Variants in IL23R observed in about 807,000 individuals in gnomAD.
IL23R encodes the protein interleukin-23 receptor.
IL23R carries 34 observed loss-of-function variants against 56.9 expected under a neutral mutation model. The ratio of observed to expected loss-of-function variants is 0.60; its 90% CI spans 0.45 to 0.80. IL23R has a LOEUF of 0.80. Ranked by LOEUF, IL23R falls within the 30% of genes least tolerant of loss-of-function variation. The probability of loss-of-function intolerance (pLI) is 0.00; values close to 1 mark genes in which losing one functional copy is unlikely to be tolerated. For missense variants in IL23R, 635 were observed against 730.0 expected, an observed-to-expected ratio of 0.87 and a Z score of 1.50; for synonymous variants, 230 against 249.2, an observed-to-expected ratio of 0.92 and a Z score of 0.73.
Position 67,259,395 on chromosome 1 carries a change from C to T in IL23R, c.*267C>T, listed in dbSNP as rs896017366. 7 of 449,482 alleles carry T rather than the reference C, an allele frequency of 1.6e-5. No homozygotes were observed. Among genetic ancestry groups the T allele is most frequent in the Admixed American group, 3.7e-5 (1 of 26,878 alleles). 27.8% of individuals were successfully genotyped at this position (449,482 alleles called of 1,614,324 possible). A position where few individuals can be genotyped will look rare whatever the true frequency, so the allele number is the denominator to read the frequency against. On this transcript the variant is annotated 3_prime_UTR_variant, in exon 11 of 11. Coordinates refer to ENST00000347310, the MANE Select transcript of IL23R (RefSeq NM_144701.3). The stretch of plus-strand genomic sequence containing the variant: ...CCTACCATCACCATGTAAGAATTCC[C>T]GGGAGCTCCATGCCTTTTTAATTTT...
Position 67,216,682 on chromosome 1 carries a change from T to A in IL23R, c.799-2892T>A, listed in dbSNP as rs182147737. Among the ~76,000 whole-genome samples the A allele has an allele frequency of 9.9e-4, 150 of 152,164 alleles. 1 individual carries two copies. In the East Asian group the frequency reaches 0.027, roughly 27 times the overall value. ...CATACATCATGAAATAGTCTTTTTT[T>A]AAAAAAAATTTCTTTCAACCATTTA... On this transcript the variant is annotated intron_variant, in intron 6 of 10. Transcript: ENST00000347310.
At chr1:67,250,410 T>G (rs1652533923) in intron 9 of IL23R, among the ~76,000 whole-genome samples, 2 of 152,190 alleles carry the variant, frequency 1.3e-5, no homozygotes, top group Admixed American at 1.3e-4. Flanking sequence ...CTTTATAATC[T>G]TTTTTGCATA....
At chr1:67,187,499 A>G (rs894186962) in intron 4 of IL23R, among the ~76,000 whole-genome samples, 3 of 152,178 alleles carry the variant, frequency 2.0e-5, no homozygotes, top group Admixed American at 2.0e-4. Flanking sequence ...AAATCCTTTA[A>G]TGTGTTCAAA....
chr1:67,248,676 TG>T (rs2100360289), intron 9 of IL23R, among the ~76,000 whole-genome samples: 1 of 152,294 alleles, frequency 6.6e-6, no homozygotes, highest in Non-Finnish European at 1.5e-5. Context: ...TGTGATCCTT[TG>T]GAGGGGAAGA....
In IL23R at chr1:67,239,256, T is replaced by TTTTG. The variant is rs1253364959; in HGVS notation, c.1046-903_1046-900dup. ...CTTTGACATGCAAGAAAAGCATTGG[T>TTTTG]TTTGTTTGTTTGTTTGTTTGTTTTT... On this transcript the variant is annotated intron_variant, in intron 8 of 10. Transcript: ENST00000347310. Among the ~76,000 whole-genome samples the TTTTG allele has an allele frequency of 1.1e-4, 16 of 152,084 alleles. No individual in the cohort carries two copies. The South Asian group carries it at 1.2e-3, about 12-fold the overall frequency.
chr1:67,200,593 C>T (rs1648554363), intron 4 of IL23R, 144 bp from the exon 5 acceptor site: 1 of 675,672 alleles, frequency 1.5e-6, no homozygotes, highest in African/African-American at 1.8e-5. Context: ...CCATGTTGGC[C>T]AGGCTGGTCT....
At chr1:67,165,005 C>T (rs1201747384), upstream of IL23R, among the ~76,000 whole-genome samples, 1 of 152,070 alleles carries the variant, frequency 6.6e-6, no homozygotes, top group Non-Finnish European at 1.5e-5. Context: ...TTCAGGAGTT[C>T]AAGACTAGCT....
At chr1:67,238,489 C>T (rs947607673) in intron 8 of IL23R, among the ~76,000 whole-genome samples, 2 of 152,286 alleles carry the variant, frequency 1.3e-5, no homozygotes, top group Middle Eastern at 3.4e-3. Context: ...CCTACCTACA[C>T]CTTGATATTT....
chr1:67,207,013 C>T lies in IL23R; in HGVS notation c.756C>T (p.Ser252=). The change falls in exon 6 of 11, where the codon TCC becomes TCT. Residue 252 remains serine (S), a synonymous_variant. Transcript: ENST00000347310. ...GTCAAACAACAATTGAAAAGGTTTC[C>T]TGTGAAATGAGATACAAGGCTACAA... ...WDSQTTIEKV[S]CEMRYKATTN... is the part of the protein sequence containing the mutation. 1 of 1,612,512 alleles carries T rather than the reference C, an allele frequency of 6.2e-7. No homozygotes were observed. Among genetic ancestry groups the T allele is most frequent in the Non-Finnish European group, 8.5e-7 (1 of 1,179,446 alleles).
rs564106373 is a variant in IL23R, at chr1:67,203,850, A to G, written c.652+2953A>G. Among the ~76,000 whole-genome samples, 5 of 152,342 alleles carry G rather than the reference A, an allele frequency of 3.3e-5. No homozygotes were observed. In the South Asian group the frequency reaches 1.0e-3, roughly 32 times the overall value. ...GTAGCACATTAACACTTGCCAAAAA[A>G]GCATATGAGAGGAATGCTTTTAACT... On this transcript the variant is annotated intron_variant, in intron 5 of 10. Transcript: ENST00000347310.
rs771025355 is a variant in IL23R at position 67,182,969 on chromosome 1, T to C, written c.491+10T>C. ...TGGTACATGTGAAGAGGTAGGTCACTTCCTCACGGCTTCATATAAGCAGTT... is the reference window on the plus strand; with the variant it reads ...TGGTACATGTGAAGAGGTAGGTCACCTCCTCACGGCTTCATATAAGCAGTT... On this transcript the variant is annotated intron_variant, in intron 4 of 10. Transcript: ENST00000347310. 6.2e-7 allele frequency: 1 copy of C among 1,613,660 alleles called. No individual in the cohort carries two copies.
intron 1 of IL23R, among the ~76,000 whole-genome samples, chr1:67,166,899 G>T (rs17129680): frequency 6.6e-6 from 1 of 151,998 alleles, no homozygotes; most frequent in Non-Finnish European, 1.5e-5. Flanking sequence ...CATGCATTGC[G>T]TTCTCTTGTA....
chr1:67,211,053 G>A (rs920751583), intron 6 of IL23R, among the ~76,000 whole-genome samples: 11 of 152,156 alleles, frequency 7.2e-5, no homozygotes, highest in Non-Finnish European at 1.0e-4. Flanking sequence ...AATTCCTTAC[G>A]TCAACTTGTT....
chr1:67,145,507 T>G (rs1382071720), intron 1 of IL23R, among the ~76,000 whole-genome samples: 2 of 152,198 alleles, frequency 1.3e-5, no homozygotes, highest in Non-Finnish European at 2.9e-5. Flanking sequence ...TCTTCCCACC[T>G]CTTTTCTGGT....
rs1647015154 is a variant in IL23R at position 67,176,755 on chromosome 1, A to G, written c.368-6081A>G. The stretch of plus-strand genomic sequence containing the variant: ...ACCCATTAACTGATCATTTAACATT[A>G]GGTATATCTCCTAATGCTATCCCTC... On this transcript the variant is annotated intron_variant, in intron 3 of 10. Coordinates refer to ENST00000347310, the MANE Select transcript of IL23R (RefSeq NM_144701.3). Among the ~76,000 whole-genome samples, 8 of 152,096 alleles carry G rather than the reference A, an allele frequency of 5.3e-5. No individual in the cohort carries two copies. In the South Asian group the frequency reaches 1.7e-3, roughly 32 times the overall value.
At chr1:67,245,613 A>G (rs1175338519) in intron 9 of IL23R, among the ~76,000 whole-genome samples, 1 of 152,160 alleles carries the variant, frequency 6.6e-6, no homozygotes, top group African/African-American at 2.4e-5. Context: ...GATTACGTTT[A>G]TTCATTTGCC....
intron 7 of IL23R, among the ~76,000 whole-genome samples, chr1:67,230,958 G>A (rs948420243): frequency 1.1e-4 from 17 of 152,122 alleles, no homozygotes; most frequent in Admixed American, 3.9e-4. Flanking sequence ...AAAAGGAGAT[G>A]CGAAAGAGAG....
At chr1:67,228,017 TC>T (rs1650789760) in intron 7 of IL23R, among the ~76,000 whole-genome samples, 2 of 103,946 alleles carry the variant, frequency 1.9e-5, no homozygotes, top group African/African-American at 3.9e-5. Context: ...TTTCTTTCTT[TC>T]TTCCTTTCTT....
intron 3 of IL23R, among the ~76,000 whole-genome samples, chr1:67,179,198 GCTT>G (rs1196027111): frequency 4.6e-5 from 7 of 152,190 alleles, no homozygotes; most frequent in African/African-American, 1.7e-4. Context: ...AATGGTACCA[GCTT>G]CTTCTTGTAC....
Sources: gnomAD v4.1 joint callset for allele counts (sites outside exome capture counted in the v4.1 genomes callset) on GRCh38, gnomAD v4.1.1 for gene constraint, MANE v1.5 for transcripts, NCBI Gene and HGNC (gene_info 2026-07-23, HGNC 2026-07-21) for gene names.